The following HS6ST2 variants were observed in gnomAD, a reference collection of about 807,000 sequenced individuals.
HS6ST2 encodes heparan sulfate 6-O-sulfotransferase 2.
In HS6ST2, 17 loss-of-function variants were observed where a neutral mutation model predicts 33.0. The ratio of observed to expected loss-of-function variants is 0.52; its 90% CI spans 0.35 to 0.77. The LOEUF is 0.77. Among genes scored for constraint, HS6ST2 ranks in the 30% least tolerant of loss-of-function variants. HS6ST2 has a pLI of 0.01. For synonymous variants in HS6ST2, 248 were observed against 237.1 expected, an observed-to-expected ratio of 1.05 and a Z score of -0.42; for missense variants, 519 against 551.7, an observed-to-expected ratio of 0.94 and a Z score of 0.59.
At chrX:132,790,775 A>C (rs1037395330) in intron 2 of HS6ST2, among the ~76,000 whole-genome samples, 1 of 112,284 alleles carries the variant, frequency 8.9e-6, no homozygotes, top group Non-Finnish European at 1.9e-5. Context: ...TAAGGCATTA[A>C]AAGAGTGACT....
intron 2 of HS6ST2, among the ~76,000 whole-genome samples, chrX:132,832,168 A>G (rs751181803): frequency 1.8e-5 from 2 of 111,980 alleles, no homozygotes; most frequent in Non-Finnish European, 3.8e-5. Flanking sequence ...TCATTTGAAG[A>G]TCACTTATCT....
intron 4 of HS6ST2, among the ~76,000 whole-genome samples, chrX:132,666,348 T>C (rs990882047): frequency 8.9e-6 from 1 of 111,735 alleles, no homozygotes; most frequent in Non-Finnish European, 1.9e-5. Context: ...GGGGCACCTA[T>C]AGTATTTTAT....
At chrX:132,679,620 G>T (rs1202145031) in intron 3 of HS6ST2, among the ~76,000 whole-genome samples, 1 of 110,476 alleles carries the variant, frequency 9.1e-6, no homozygotes, top group Non-Finnish European at 1.9e-5. Context: ...CAGGAGACAG[G>T]GTTTTGAGAG....
At chrX:132,641,202 G>A (rs1029967879) in intron 4 of HS6ST2, among the ~76,000 whole-genome samples, 2 of 112,623 alleles carry the variant, frequency 1.8e-5, no homozygotes, top group African/African-American at 6.5e-5. Context: ...GGAGTGAAGT[G>A]GTGCGATCTC....
Position 132,956,906 on chromosome X carries a change from C to A in HS6ST2, c.849G>T (p.Thr283=), listed in dbSNP as rs747530672. ...RETWLFSRFS[T]GWSCGLHADW... ...CGGCGTGCAACCCGCAGCTCCAGCCCGTGGAGAACCTGGAGAAGAGCCAGG... is the reference window on the plus strand; with the variant it reads ...CGGCGTGCAACCCGCAGCTCCAGCCAGTGGAGAACCTGGAGAAGAGCCAGG... The change falls in exon 2 of 5, where the codon ACG becomes ACT. Residue 283 remains threonine, a synonymous_variant. Coordinates refer to ENST00000370833, the MANE Select transcript of HS6ST2 (RefSeq NM_001394073.1). 1.7e-6 allele frequency: 2 copies of A among 1,197,287 alleles called. No homozygotes were observed. Among genetic ancestry groups the A allele is most frequent in the East Asian group, 6.1e-5 (2 of 33,030 alleles).
chrX:132,824,550 T>C (rs1204714914), intron 2 of HS6ST2, among the ~76,000 whole-genome samples: 1 of 112,452 alleles, frequency 8.9e-6, no homozygotes, highest in African/African-American at 3.2e-5. Flanking sequence ...GACTGACTGC[T>C]CTATGTTGTG....
intron 2 of HS6ST2, among the ~76,000 whole-genome samples, chrX:132,917,603 A>T (rs2066607176): frequency 9.0e-6 from 1 of 111,154 alleles, no homozygotes; most frequent in African/African-American, 3.3e-5. Flanking sequence ...AAAAAAAAAA[A>T]AAAGACCCTG....
intron 2 of HS6ST2, among the ~76,000 whole-genome samples, chrX:132,920,534 C>T (rs770305556): frequency 8.9e-5 from 10 of 112,019 alleles, no homozygotes; most frequent in Non-Finnish European, 1.5e-4. Flanking sequence ...GTAATTCAAA[C>T]GTAAAAGCAA....
chrX:132,754,813 G>A (rs1335295557), intron 2 of HS6ST2, among the ~76,000 whole-genome samples: 6 of 110,560 alleles, frequency 5.4e-5, no homozygotes, highest in Middle Eastern at 4.8e-3. Context: ...CCAGGCCCAA[G>A]TGATCCTCCC....
intron 2 of HS6ST2, among the ~76,000 whole-genome samples, chrX:132,836,657 T>C (rs1021893450): frequency 6.2e-5 from 7 of 112,939 alleles, no homozygotes; most frequent in Admixed American, 1.9e-4. Context: ...AGTAAATTGC[T>C]TGAAGGAAGC....
At chrX:132,899,271 G>T (rs1382450255) in intron 2 of HS6ST2, among the ~76,000 whole-genome samples, 1 of 111,915 alleles carries the variant, frequency 8.9e-6, no homozygotes, top group East Asian at 2.8e-4. Flanking sequence ...CAAAGAATTA[G>T]AAAGATACAA....
chrX:132,666,274 A>C (rs1373716157), intron 4 of HS6ST2, among the ~76,000 whole-genome samples: 2 of 111,212 alleles, frequency 1.8e-5, no homozygotes, highest in African/African-American at 6.5e-5. Context: ...TCAGCTAGGG[A>C]TTGTAGCACT....
intron 2 of HS6ST2, among the ~76,000 whole-genome samples, chrX:132,866,540 A>G (rs1275429050): frequency 1.2e-5 from 1 of 81,979 alleles, no homozygotes; most frequent in Admixed American, 1.4e-4. Context: ...CTTGATGGGG[A>G]TGGCATTGAA....
chrX:132,882,005 C>T (rs1179884319), intron 2 of HS6ST2, among the ~76,000 whole-genome samples: 1 of 111,485 alleles, frequency 9.0e-6, no homozygotes, highest in African/African-American at 3.3e-5. Context: ...GGTACCAGTA[C>T]CATGCTGTTT....
chrX:132,885,915 CCAAA>C (rs766001046), intron 2 of HS6ST2, among the ~76,000 whole-genome samples: 18 of 111,747 alleles, frequency 1.6e-4, no homozygotes, highest in African/African-American at 2.9e-4. Flanking sequence ...AAAGAAACTA[CCAAA>C]CAAACAAACA....
At chrX:132,723,948 AAC>A (rs896531335) in intron 2 of HS6ST2, among the ~76,000 whole-genome samples, 7 of 110,911 alleles carry the variant, frequency 6.3e-5, no homozygotes, top group African/African-American at 2.0e-4. Flanking sequence ...CATCCTGGTT[AAC>A]ACAGTGAAAC....
At chrX:132,842,227 T>C (rs780531907) in intron 2 of HS6ST2, among the ~76,000 whole-genome samples, 7 of 111,784 alleles carry the variant, frequency 6.3e-5, no homozygotes, top group African/African-American at 9.8e-5. Context: ...GGCTGGCGAA[T>C]GCTCCCTGAC....
At chrX:132,952,452 A>G (rs1025790424) in intron 2 of HS6ST2, among the ~76,000 whole-genome samples, 3 of 111,193 alleles carry the variant, frequency 2.7e-5, no homozygotes, top group African/African-American at 9.8e-5. Context: ...GCCTCAGCCT[A>G]TATCACAAGC....
At chrX:132,938,362 C>A (rs1328326829) in intron 2 of HS6ST2, among the ~76,000 whole-genome samples, 2 of 108,918 alleles carry the variant, frequency 1.8e-5, no homozygotes, top group Non-Finnish European at 3.8e-5. Context: ...ATAGACTGGG[C>A]AGAGAACAGT....
Sources: gnomAD v4.1 joint callset for allele counts (sites outside exome capture counted in the v4.1 genomes callset) on GRCh38, gnomAD v4.1.1 for gene constraint, MANE v1.5 for transcripts, NCBI Gene and HGNC (gene_info 2026-07-23, HGNC 2026-07-21) for gene names.